The following NDUFAF6 variants were observed in gnomAD, a reference collection of about 807,000 sequenced individuals.
NDUFAF6 encodes NADH:ubiquinone oxidoreductase complex assembly factor 6.
A neutral mutation model predicts 40.8 loss-of-function variants in NDUFAF6; 45 were observed. The ratio of observed to expected loss-of-function variants is 1.10; its 90% confidence interval spans 0.87 to 1.42. NDUFAF6 has a LOEUF of 1.42. Among genes scored for constraint, NDUFAF6 ranks in the 40% most tolerant of loss-of-function variants. The pLI, the probability that NDUFAF6 is intolerant of heterozygous loss-of-function variation, is 0.00. For synonymous variants in NDUFAF6, 185 were observed against 155.9 expected (o/e 1.19, Z -1.39); for missense variants, 435 against 418.5 (o/e 1.04, Z -0.34).
intron 3 of NDUFAF6, chr8:95,036,596 A>G (rs1161109431): frequency 1.6e-5 from 15 of 962,092 alleles, no homozygotes; most frequent in Non-Finnish European, 1.9e-5. Context: ...AACCCTTTCT[A>G]TTTATTACTT....
intron 1 of NDUFAF6, among the ~76,000 whole-genome samples, chr8:94,902,539 T>A (rs1022642394): frequency 1.3e-5 from 2 of 152,164 alleles, no homozygotes; most frequent in Non-Finnish European, 2.9e-5. Context: ...TTCATTCATG[T>A]TGTTGAATGT....
upstream of NDUFAF6, among the ~76,000 whole-genome samples, chr8:95,020,173 T>C (rs1445012527): frequency 6.6e-6 from 1 of 152,180 alleles, no homozygotes; most frequent in Non-Finnish European, 1.5e-5. Flanking sequence ...CACTCCAGCC[T>C]GGGCGACAAG....
At chr8:94,926,064 G>A (rs1388170874) in intron 1 of NDUFAF6, 1 of 152,586 alleles carries the variant, frequency 6.6e-6, no homozygotes, top group Non-Finnish European at 1.5e-5. Context: ...AAGAACAGGT[G>A]TTAACACACA....
intron 2 of NDUFAF6, among the ~76,000 whole-genome samples, chr8:95,003,019 GAGA>G (rs1462083149): frequency 6.6e-6 from 1 of 152,238 alleles, no homozygotes; most frequent in Non-Finnish European, 1.5e-5. Context: ...CAAAGAAAGA[GAGA>G]TCTTTTCACC....
At chr8:94,922,689 G>C (rs1178045482) in intron 1 of NDUFAF6, among the ~76,000 whole-genome samples, 1 of 151,978 alleles carries the variant, frequency 6.6e-6, no homozygotes, top group Non-Finnish European at 1.5e-5. Context: ...ACATTGGCCA[G>C]GCTGGTCTCG....
upstream of NDUFAF6, among the ~76,000 whole-genome samples, chr8:95,095,904 A>G (rs1366881728): frequency 6.6e-6 from 1 of 152,142 alleles, no homozygotes; most frequent in Non-Finnish European, 1.5e-5. Flanking sequence ...GCCTCAAGCG[A>G]TCCGCCTGTC....
chr8:94,960,912 G>C (rs887580111), intron 1 of NDUFAF6, among the ~76,000 whole-genome samples: 1 of 152,184 alleles, frequency 6.6e-6, no homozygotes, highest in Non-Finnish European at 1.5e-5. Context: ...CAACACGTCA[G>C]CTACATAAAC....
chr8:95,065,512 A>C (rs1460426638), intron 9 of NDUFAF6, among the ~76,000 whole-genome samples: 1 of 152,208 alleles, frequency 6.6e-6, no homozygotes, highest in Non-Finnish European at 1.5e-5. Flanking sequence ...ATTTTAATTT[A>C]GTAATATAAT....
chr8:94,989,456 T>G (rs999676400), intron 2 of NDUFAF6: 4 of 152,064 alleles, frequency 2.6e-5, no homozygotes, highest in African/African-American at 9.7e-5. Flanking sequence ...AGGGAAAAAA[T>G]GGCTGGTTTG....
At chr8:95,095,997 T>C (rs887482648), upstream of NDUFAF6, among the ~76,000 whole-genome samples, 3 of 152,172 alleles carry the variant, frequency 2.0e-5, no homozygotes, top group Non-Finnish European at 4.4e-5. Context: ...AAAATGAATA[T>C]TTCATTTATT....
intron 1 of NDUFAF6, among the ~76,000 whole-genome samples, chr8:94,903,054 G>A (rs1377083121): frequency 6.6e-6 from 1 of 151,950 alleles, no homozygotes; most frequent in African/African-American, 2.4e-5. Context: ...GAGGTCACAG[G>A]GTAGGTATAT....
chr8:94,991,375 C>G (rs1826182999), intron 2 of NDUFAF6, among the ~76,000 whole-genome samples: 1 of 152,168 alleles, frequency 6.6e-6, no homozygotes, highest in African/African-American at 2.4e-5. Flanking sequence ...TTGAGTGATG[C>G]TGCAGCGTGA....
intron 4 of NDUFAF6, among the ~76,000 whole-genome samples, chr8:95,109,661 A>T (rs148158536): frequency 8.4e-4 from 128 of 152,256 alleles, no homozygotes; most frequent in African/African-American, 2.8e-3. Context: ...TTGTCTTCTC[A>T]TGACCCCATA....
At chr8:94,930,376 T>C (rs944619518) in intron 1 of NDUFAF6, 1 of 1,471,754 alleles carries the variant, frequency 6.8e-7, no homozygotes, top group Non-Finnish European at 9.2e-7. Context: ...ATGTGATTGG[T>C]TATCAATTGG....
At chr8:94,977,598 TTCTC>T (rs34370955) in intron 1 of NDUFAF6, among the ~76,000 whole-genome samples, 95,153 of 149,340 alleles carry the variant, frequency 0.64, 31,310 homozygotes, top group East Asian at 0.78. Flanking sequence ...CCCTGCTGGG[TTCTC>T]TCTCTCTCTC....
chr8:94,976,042 C>G (rs896229304), intron 1 of NDUFAF6: 1 of 150,882 alleles, frequency 6.6e-6, no homozygotes, highest in Non-Finnish European at 1.5e-5. Flanking sequence ...ACTAAAAATA[C>G]AAAAAATTAG....
At chr8:95,056,631 G>T (rs1452641176) in intron 8 of NDUFAF6, among the ~76,000 whole-genome samples, 1 of 152,088 alleles carries the variant, frequency 6.6e-6, no homozygotes, top group African/African-American at 2.4e-5. Context: ...TAATGGCCGG[G>T]TGCGGTGGCT....
intron 1 of NDUFAF6, among the ~76,000 whole-genome samples, chr8:94,899,322 A>G (rs895085855): frequency 2.0e-5 from 3 of 152,258 alleles, no homozygotes; most frequent in African/African-American, 7.2e-5. Flanking sequence ...TGAGACCTCT[A>G]GATGTCCACA....
chr8:94,989,612 T>A (rs187485607), intron 2 of NDUFAF6, among the ~76,000 whole-genome samples: 1 of 152,328 alleles, frequency 6.6e-6, no homozygotes, highest in East Asian at 1.9e-4. Flanking sequence ...ATGAAAATGA[T>A]GAGGCACTTT....
Sources: allele counts gnomAD v4.1 joint callset (sites outside exome capture counted in the v4.1 genomes callset), GRCh38; gene constraint gnomAD v4.1.1; transcripts MANE v1.5; gene names NCBI Gene and HGNC (gene_info 2026-07-23, HGNC 2026-07-21).